MAEL: variants seen among roughly 807,000 people sequenced by gnomAD.
MAEL encodes the protein protein maelstrom homolog.
A neutral mutation model predicts 62.0 loss-of-function variants in MAEL; 46 were observed. That is an observed-to-expected ratio of 0.74 (90% CI 0.59 to 0.95). The LOEUF is 0.95. MAEL is among the 40% of genes least tolerant of loss of function. The pLI is 0.00. For missense variants in MAEL, 497 were observed against 526.8 expected (o/e 0.94, Z 0.55); for synonymous variants, 172 against 175.5 (o/e 0.98, Z 0.16).
intron 1 of MAEL, among the ~76,000 whole-genome samples, chr1:166,980,025 C>T (rs1016430450): frequency 6.6e-6 from 1 of 151,962 alleles, no homozygotes; most frequent in Non-Finnish European, 1.5e-5. Context: ...GTCTTTCTTT[C>T]TTTCTTTTAG....
chr1:167,017,866 C>T lies in MAEL; in HGVS notation c.948C>T (p.Ile316=). Residue 316 remains isoleucine (I), a synonymous_variant, in exon 10 of 12, where the codon ATC becomes ATT. Transcript: ENST00000367872. ...ISNSLATLFG[I]QLTEAHVPLQ... ...ATTCTCTGGCCACTCTCTTTGGAAT[C>T]CAGCTCACAGAGGCTCATGTACCAC... The T allele has an allele frequency of 1.2e-6, 2 of 1,613,120 alleles. No homozygotes were observed. Among genetic ancestry groups the T allele is most frequent in the South Asian group, 2.2e-5 (2 of 90,966 alleles).
At chr1:167,008,365 T>TA (rs1665020717) in intron 8 of MAEL, among the ~76,000 whole-genome samples, 1 of 152,112 alleles carries the variant, frequency 6.6e-6, no homozygotes, top group Non-Finnish European at 1.5e-5. Context: ...TGTATGTTTC[T>TA]AGAAAATGAT....
At chr1:167,021,626 T>C (rs1435480762) in intron 11 of MAEL, 42 bp from the exon 12 acceptor site, 1 of 1,372,840 alleles carries the variant, frequency 7.3e-7, no homozygotes, top group African/African-American at 1.5e-5. Context: ...AATAAAATTA[T>C]AAAATTGCTA....
In MAEL at chr1:167,012,054, C is replaced by T. The variant is rs182899150; in HGVS notation, c.846-4168C>T. 4.6e-5 allele frequency among the ~76,000 whole-genome samples: 7 copies of T among 152,202 alleles called. 1 individual carries two copies. The highest frequency in any genetic ancestry group is 4.1e-4 in the South Asian group (2 of 4,822). Reference sequence around the variant, plus strand: ...CAGGATGGATCTACTTTTTATTGAGCTTCATAACATAATAAGATTCAAATG... The same window carrying T: ...CAGGATGGATCTACTTTTTATTGAGTTTCATAACATAATAAGATTCAAATG... On this transcript the variant is annotated intron_variant, in intron 8 of 11. Transcript: ENST00000367872.
rs570306739 is a variant in MAEL, at chr1:167,000,424, A to C, written c.524-3756A>C. Among the ~76,000 whole-genome samples the C allele has an allele frequency of 5.3e-5, 8 of 152,336 alleles. No individual in the cohort carries two copies. In the South Asian group the frequency reaches 1.5e-3, roughly 28 times the overall value. The stretch of plus-strand genomic sequence containing the variant: ...GAAAATGTGCTGCAGTCTCACAATA[A>C]AACTTGAATGGGTAAGGAGTTGCTT... On this transcript the variant is annotated intron_variant, in intron 5 of 11. Coordinates refer to ENST00000367872, the MANE Select transcript of MAEL (RefSeq NM_032858.3).
intron 4 of MAEL, 131 bp downstream of exon 4, chr1:166,992,972 A>T (rs1170333608): frequency 1.3e-6 from 1 of 752,232 alleles, no homozygotes; most frequent in East Asian, 3.1e-5. Context: ...ACAAGACTTC[A>T]TAATGCTTAT....
chr1:166,975,860 G>C lies in MAEL; in HGVS notation c.-121+194G>C, dbSNP rs939587220. Among the ~76,000 whole-genome samples the C allele has an allele frequency of 2.4e-4, 37 of 152,126 alleles. 1 individual carries two copies. The highest frequency in any genetic ancestry group is 5.9e-5 in the Non-Finnish European group (4 of 68,008). ...GACTCGAGCAGGGGAGCCTGTGTCT[G>C]CGGGCAGCCACAGCCAACCTGAACG... On this transcript the variant is annotated intron_variant, in intron 1 of 12. Coordinates refer to the MAEL transcript ENST00000622874.
At chr1:167,012,138 T>C (rs531653494) in intron 8 of MAEL, among the ~76,000 whole-genome samples, 1 of 152,184 alleles carries the variant, frequency 6.6e-6, no homozygotes, top group Non-Finnish European at 1.5e-5. Context: ...TTAGAATCTG[T>C]TAATATAAGC....
intron 11 of MAEL, 48 bp downstream of exon 11, chr1:167,021,208 C>CTA (rs745324746): frequency 7.9e-7 from 1 of 1,268,782 alleles, no homozygotes; most frequent in South Asian, 1.2e-5. Context: ...ATGTTAGAGC[C>CTA]TATTACTAAG....
chr1:167,011,067 T>G (rs572392934), intron 8 of MAEL, among the ~76,000 whole-genome samples: 1 of 152,260 alleles, frequency 6.6e-6, no homozygotes, highest in African/African-American at 2.4e-5. Flanking sequence ...GCATGGCACT[T>G]GCCTATAGTC....
chr1:167,016,181 G>A, intron 8 of MAEL, 41 bp from the exon 9 acceptor site: 2 of 1,546,274 alleles, frequency 1.3e-6, no homozygotes, highest in Non-Finnish European at 1.8e-6. Flanking sequence ...TTTAAGCAGT[G>A]CTACTTCAGT....
At chr1:166,988,436 C>T (rs551941654), upstream of MAEL, among the ~76,000 whole-genome samples, 1 of 151,698 alleles carries the variant, frequency 6.6e-6, no homozygotes, top group Non-Finnish European at 1.5e-5. Context: ...TTTTCAACTG[C>T]CATTCTTGAT....
intron 5 of MAEL, among the ~76,000 whole-genome samples, chr1:166,994,333 G>T (rs1664316885): frequency 1.3e-5 from 2 of 152,038 alleles, no homozygotes; most frequent in South Asian, 4.1e-4. Flanking sequence ...TTAGTGGCTG[G>T]GTACTTAGGA....
chr1:167,017,740 T>A, intron 9 of MAEL, 87 bp from the exon 10 acceptor site: 3 of 1,318,180 alleles, frequency 2.3e-6, no homozygotes. Context: ...CCTCAGATGC[T>A]TTCTTTTTGT....
intron 8 of MAEL, among the ~76,000 whole-genome samples, chr1:167,012,204 T>C (rs764800183): frequency 5.3e-5 from 8 of 152,208 alleles, no homozygotes; most frequent in Admixed American, 1.3e-4. Flanking sequence ...ACCTTAAAGT[T>C]TGTAATAAAT....
At chr1:166,992,065 A>T (rs755580445) in intron 3 of MAEL, among the ~76,000 whole-genome samples, 19 of 152,172 alleles carry the variant, frequency 1.2e-4, no homozygotes, top group Non-Finnish European at 2.2e-4. Flanking sequence ...GAATTATGGA[A>T]CTTGCCAAGA....
chr1:167,007,331 C>G (rs1027128147), intron 8 of MAEL, among the ~76,000 whole-genome samples: 2 of 152,084 alleles, frequency 1.3e-5, no homozygotes, highest in Non-Finnish European at 2.9e-5. Context: ...TCATTGCTTT[C>G]TATCTAACAG....
At chr1:167,001,438 T>G (rs1378127267) in intron 5 of MAEL, among the ~76,000 whole-genome samples, 1 of 152,230 alleles carries the variant, frequency 6.6e-6, no homozygotes, top group Non-Finnish European at 1.5e-5. Flanking sequence ...AAAAAGATCT[T>G]TCGCCAGCAA....
At chr1:167,016,331 A>G in intron 9 of MAEL, 47 bp downstream of exon 9, 1 of 1,573,000 alleles carries the variant, frequency 6.4e-7, no homozygotes, top group Non-Finnish European at 8.7e-7. Flanking sequence ...TTCTGATTAA[A>G]TTATTCTGTG....
Sources: allele counts gnomAD v4.1 joint callset (sites outside exome capture counted in the v4.1 genomes callset), GRCh38; gene constraint gnomAD v4.1.1; transcripts MANE v1.5; gene names NCBI Gene and HGNC (gene_info 2026-07-23, HGNC 2026-07-21).